The following SGCZ variants were observed in gnomAD, a reference collection of about 807,000 sequenced individuals.
The protein encoded by SGCZ is sarcoglycan zeta.
In SGCZ, 40 loss-of-function variants were observed where a neutral mutation model predicts 41.3. The observed-to-expected ratio is 0.97, with a 90% confidence interval of 0.75 to 1.26. The LOEUF (loss-of-function observed/expected upper bound fraction) is 1.26, where lower values mean the gene tolerates loss of function less well. Ranked by LOEUF, SGCZ falls within the 50% of genes most tolerant of loss-of-function variation. The pLI, the probability that SGCZ is intolerant of heterozygous loss-of-function variation, is 0.00. For synonymous variants in SGCZ, 206 were observed against 137.5 expected (o/e 1.50, Z -3.49); for missense variants, 552 against 369.8 (o/e 1.49, Z -4.04).
rs1321867074 is a variant in SGCZ at position 14,687,642 on chromosome 8, C to T, written c.40-132716G>A. Among the ~76,000 whole-genome samples the T allele has an allele frequency of 3.9e-5, 6 of 151,918 alleles. No homozygotes were observed. The East Asian group carries it at 9.7e-4, about 24-fold the overall frequency. On this transcript the variant is annotated intron_variant, in intron 1 of 7. Transcript: ENST00000382080. ...CAAGTCTTTGCTATTGTGAATAGTG[C>T]TGCAATAAACATACATGTGCATGTG...
intron 1 of SGCZ, among the ~76,000 whole-genome samples, chr8:15,088,275 A>T (rs1455490413): frequency 6.6e-6 from 1 of 152,178 alleles, no homozygotes; most frequent in East Asian, 1.9e-4. Flanking sequence ...AAGCTCTTTC[A>T]TCTATGACAT....
At chr8:14,363,559 A>T (rs1803601710) in intron 2 of SGCZ, among the ~76,000 whole-genome samples, 1 of 151,914 alleles carries the variant, frequency 6.6e-6, no homozygotes, top group Non-Finnish European at 1.5e-5. Context: ...CCCAAGCAGC[A>T]GTTTACTTTT....
chr8:14,214,673 A>T (rs938513016), intron 4 of SGCZ, among the ~76,000 whole-genome samples: 2 of 151,344 alleles, frequency 1.3e-5, no homozygotes, highest in African/African-American at 4.8e-5. Context: ...GAAAGTATGG[A>T]AAATGTGTAC....
intron 1 of SGCZ, among the ~76,000 whole-genome samples, chr8:14,926,191 T>C (rs1484885831): frequency 6.6e-6 from 1 of 152,204 alleles, no homozygotes; most frequent in Non-Finnish European, 1.5e-5. Flanking sequence ...AAACAGCTTT[T>C]TAAGTAATAT....
chr8:14,300,978 G>C (rs547627994), intron 3 of SGCZ, among the ~76,000 whole-genome samples: 1 of 152,030 alleles, frequency 6.6e-6, no homozygotes, highest in African/African-American at 2.4e-5. Flanking sequence ...AACCAGAAAA[G>C]ATATAGCCAG....
chr8:14,351,396 A>G (rs573476861), intron 2 of SGCZ, among the ~76,000 whole-genome samples: 3 of 152,174 alleles, frequency 2.0e-5, no homozygotes, highest in African/African-American at 7.2e-5. Flanking sequence ...TATCAACTTC[A>G]GCCTTGTCTT....
chr8:14,789,136 G>A (rs1001028396), intron 1 of SGCZ, among the ~76,000 whole-genome samples: 14 of 152,004 alleles, frequency 9.2e-5, no homozygotes, highest in African/African-American at 2.4e-4. Context: ...TCACACTCCT[G>A]TTGTGTTTAC....
intron 1 of SGCZ, among the ~76,000 whole-genome samples, chr8:14,767,062 G>A (rs1585242909): frequency 7.8e-6 from 1 of 128,494 alleles, no homozygotes; most frequent in Non-Finnish European, 1.8e-5. Context: ...TTATCATCTG[G>A]TGTTTTATTT....
chr8:14,299,572 T>C (rs1475438285), intron 3 of SGCZ, among the ~76,000 whole-genome samples: 1 of 151,936 alleles, frequency 6.6e-6, no homozygotes, highest in Non-Finnish European at 1.5e-5. Context: ...CAACATCATT[T>C]GCCATCAGGG....
At chr8:14,604,565 A>C (rs1805689204) in intron 1 of SGCZ, among the ~76,000 whole-genome samples, 1 of 152,174 alleles carries the variant, frequency 6.6e-6, no homozygotes, top group Non-Finnish European at 1.5e-5. Context: ...CTTGTTTACT[A>C]CATGTTGCAA....
chr8:15,235,840 C>G (rs1802102235), intron 1 of SGCZ, among the ~76,000 whole-genome samples: 1 of 152,200 alleles, frequency 6.6e-6, no homozygotes, highest in African/African-American at 2.4e-5. Context: ...TACTCCACCT[C>G]TGCATAAAAC....
chr8:14,429,682 G>A (rs190370194), intron 2 of SGCZ, among the ~76,000 whole-genome samples: 33 of 152,266 alleles, frequency 2.2e-4, no homozygotes, highest in African/African-American at 6.3e-4. Flanking sequence ...AATGACTAGC[G>A]TGGCTAATCG....
intron 1 of SGCZ, among the ~76,000 whole-genome samples, chr8:14,756,705 A>G (rs1799680521): frequency 6.6e-6 from 1 of 152,230 alleles, no homozygotes; most frequent in African/African-American, 2.4e-5. Context: ...GTAAATGGTG[A>G]TAAAATACAT....
At chr8:15,101,005 T>C (rs1460450485) in intron 1 of SGCZ, among the ~76,000 whole-genome samples, 1 of 152,036 alleles carries the variant, frequency 6.6e-6, no homozygotes, top group Admixed American at 6.6e-5. Flanking sequence ...TTACCCAACT[T>C]GTTTACCATT....
intron 1 of SGCZ, among the ~76,000 whole-genome samples, chr8:14,922,312 C>G (rs1394557845): frequency 6.6e-6 from 1 of 152,084 alleles, no homozygotes; most frequent in Non-Finnish European, 1.5e-5. Flanking sequence ...TAAAGACAGT[C>G]TTTCAGTAAT....
intron 3 of SGCZ, among the ~76,000 whole-genome samples, chr8:14,272,475 A>G (rs1266934413): frequency 6.6e-6 from 1 of 152,164 alleles, no homozygotes; most frequent in East Asian, 1.9e-4. Context: ...TAGCACTTGG[A>G]AATTTTTGTG....
intron 1 of SGCZ, among the ~76,000 whole-genome samples, chr8:14,575,809 G>C (rs1804689546): frequency 6.6e-6 from 1 of 151,514 alleles, no homozygotes; most frequent in South Asian, 2.1e-4. Flanking sequence ...TGGAGGCTGA[G>C]GCAGGAGAAT....
intron 1 of SGCZ, among the ~76,000 whole-genome samples, chr8:14,608,383 G>A (rs781722550): frequency 1.3e-5 from 2 of 151,756 alleles, no homozygotes; most frequent in African/African-American, 2.4e-5. Flanking sequence ...CACAAGCATG[G>A]TACCAGCATA....
intron 1 of SGCZ, among the ~76,000 whole-genome samples, chr8:15,128,114 T>C (rs1031557124): frequency 6.6e-6 from 1 of 152,062 alleles, no homozygotes; most frequent in African/African-American, 2.4e-5. Context: ...ATCTGTCCTC[T>C]TTTTTTTCAC....
Sources: gnomAD v4.1 joint callset for allele counts (sites outside exome capture counted in the v4.1 genomes callset) on GRCh38, gnomAD v4.1.1 for gene constraint, MANE v1.5 for transcripts, NCBI Gene and HGNC (gene_info 2026-07-23, HGNC 2026-07-21) for gene names.